Variants in NXPH2 observed in about 807,000 individuals in gnomAD.
NXPH2 encodes the protein neurexophilin 2, also known as neurexophilin-2.
Under a neutral mutation model 19.8 loss-of-function variants are expected in NXPH2, and 5 were observed. The ratio of observed to expected loss-of-function variants is 0.25; its 90% CI spans 0.13 to 0.53. NXPH2 has a LOEUF of 0.53. Among genes scored for constraint, NXPH2 ranks in the 20% least tolerant of loss-of-function variants. NXPH2 has a pLI of 0.96. For missense variants in NXPH2, 289 were observed against 322.8 expected, an observed-to-expected ratio of 0.90 and a Z score of 0.80; for synonymous variants, 154 against 127.4, an observed-to-expected ratio of 1.21 and a Z score of -1.41.
At chr2:138,712,664 T>A (rs111589144) in intron 1 of NXPH2, among the ~76,000 whole-genome samples, 212 of 152,332 alleles carry the variant, frequency 1.4e-3, no homozygotes, top group African/African-American at 4.9e-3. Context: ...CAATGCTTCC[T>A]TCCCCTCACC....
intron 1 of NXPH2, among the ~76,000 whole-genome samples, chr2:138,723,625 C>A (rs1024720384): frequency 6.6e-6 from 1 of 152,192 alleles, no homozygotes; most frequent in African/African-American, 2.4e-5. Context: ...TAAAAGGAAA[C>A]TGACATTTAT....
At chr2:138,745,003 G>C (rs1456537003) in intron 1 of NXPH2, among the ~76,000 whole-genome samples, 1 of 152,138 alleles carries the variant, frequency 6.6e-6, no homozygotes, top group Non-Finnish European at 1.5e-5. Context: ...ATGTATGGCT[G>C]GCAGAGCAAA....
chr2:138,769,098 G>A (rs543574987), intron 1 of NXPH2, among the ~76,000 whole-genome samples: 9 of 152,182 alleles, frequency 5.9e-5, no homozygotes, highest in South Asian at 2.1e-4. Flanking sequence ...AAAGAGAATC[G>A]CAATCTCACT....
intron 1 of NXPH2, among the ~76,000 whole-genome samples, chr2:138,719,610 G>A (rs1476132431): frequency 1.3e-5 from 2 of 152,176 alleles, no homozygotes; most frequent in African/African-American, 4.8e-5. Flanking sequence ...GCTCATGCCT[G>A]TAATCCCAGA....
chr2:138,747,181 T>C (rs1209632047), intron 1 of NXPH2, among the ~76,000 whole-genome samples: 2 of 152,172 alleles, frequency 1.3e-5, no homozygotes, highest in African/African-American at 4.8e-5. Context: ...ACGTTTATCA[T>C]GCATCCTGAG....
chr2:138,724,998 A>G (rs1681337728), intron 1 of NXPH2, among the ~76,000 whole-genome samples: 1 of 152,230 alleles, frequency 6.6e-6, no homozygotes, highest in African/African-American at 2.4e-5. Context: ...GGTGCTCCAC[A>G]ATTATGGACA....
chr2:138,778,851 T>A (rs553641124), intron 1 of NXPH2, among the ~76,000 whole-genome samples: 1 of 152,340 alleles, frequency 6.6e-6, no homozygotes, highest in Non-Finnish European at 1.5e-5. Context: ...GATGGCTCAT[T>A]CAAGGATATT....
intron 1 of NXPH2, among the ~76,000 whole-genome samples, chr2:138,716,858 G>T (rs1240649936): frequency 6.6e-6 from 1 of 152,130 alleles, no homozygotes; most frequent in African/African-American, 2.4e-5. Flanking sequence ...TTCTGGGGCT[G>T]CTTCCTCATG....
At chr2:138,752,141 A>G (rs1224757745) in intron 1 of NXPH2, among the ~76,000 whole-genome samples, 8 of 152,188 alleles carry the variant, frequency 5.3e-5, no homozygotes, top group Non-Finnish European at 1.0e-4. Flanking sequence ...AAAGAGAGAA[A>G]GTCCACATAT....
intron 1 of NXPH2, among the ~76,000 whole-genome samples, chr2:138,725,555 A>AC (rs1418146910): frequency 2.6e-5 from 4 of 152,166 alleles, no homozygotes; most frequent in African/African-American, 9.7e-5. Flanking sequence ...CATGAATGAA[A>AC]CCATTTTCTT....
chr2:138,713,537 A>C (rs758629423), intron 1 of NXPH2, among the ~76,000 whole-genome samples: 1 of 152,122 alleles, frequency 6.6e-6, no homozygotes, highest in Non-Finnish European at 1.5e-5. Flanking sequence ...AACATGATAT[A>C]TGTAAAACCC....
chr2:138,734,590 G>C (rs573609892), intron 1 of NXPH2, among the ~76,000 whole-genome samples: 1 of 152,204 alleles, frequency 6.6e-6, no homozygotes, highest in African/African-American at 2.4e-5. Flanking sequence ...GTGAAATAGA[G>C]AGGGTGATCC....
chr2:138,730,328 G>T (rs1159443782), intron 1 of NXPH2, among the ~76,000 whole-genome samples: 1 of 151,852 alleles, frequency 6.6e-6, no homozygotes, highest in Non-Finnish European at 1.5e-5. Context: ...CCCAGTAATT[G>T]GGATTACAGG....
chr2:138,717,850 G>A (rs761013737), intron 1 of NXPH2, among the ~76,000 whole-genome samples: 2 of 152,060 alleles, frequency 1.3e-5, no homozygotes, highest in African/African-American at 2.4e-5. Flanking sequence ...GAAGGCAATT[G>A]TACTGCAAAA....
At chr2:138,687,382 C>A (rs539845319) in intron 1 of NXPH2, among the ~76,000 whole-genome samples, 1 of 152,060 alleles carries the variant, frequency 6.6e-6, no homozygotes, top group African/African-American at 2.4e-5. Context: ...TATACTTCAC[C>A]GTCTTTTTGA....
intron 1 of NXPH2, among the ~76,000 whole-genome samples, chr2:138,772,968 AT>A (rs1682202335): frequency 6.6e-6 from 1 of 152,216 alleles, no homozygotes; most frequent in South Asian, 2.1e-4. Context: ...CCACGAAAGA[AT>A]TTTGCAAACC....
chr2:138,734,493 A>T (rs887138028), intron 1 of NXPH2, among the ~76,000 whole-genome samples: 2 of 152,222 alleles, frequency 1.3e-5, no homozygotes, highest in Admixed American at 6.5e-5. Flanking sequence ...AAAGGAAGAA[A>T]TGGTCAAGCC....
intron 1 of NXPH2, among the ~76,000 whole-genome samples, chr2:138,741,145 C>T (rs1171987862): frequency 4.6e-5 from 7 of 152,082 alleles, no homozygotes; most frequent in Admixed American, 4.6e-4. Context: ...AATGAAAACA[C>T]CTTTGTCTGT....
At chr2:138,718,437 G>A (rs1039262139) in intron 1 of NXPH2, among the ~76,000 whole-genome samples, 2 of 152,194 alleles carry the variant, frequency 1.3e-5, no homozygotes, top group Non-Finnish European at 1.5e-5. Flanking sequence ...TAATGACTAT[G>A]AATTTAGAAT....
Sources: gnomAD v4.1 joint callset for allele counts (sites outside exome capture counted in the v4.1 genomes callset) on GRCh38, gnomAD v4.1.1 for gene constraint, MANE v1.5 for transcripts, NCBI Gene and HGNC (gene_info 2026-07-23, HGNC 2026-07-21) for gene names.